Variants in STMN2 observed in about 807,000 individuals in gnomAD.
The protein encoded by STMN2 is stathmin 2, also known as stathmin-2.
A neutral mutation model predicts 24.1 loss-of-function variants in STMN2; 2 were observed. That is an observed-to-expected ratio of 0.08 (90% CI 0.03 to 0.26). STMN2 has a LOEUF of 0.26. Ranked by LOEUF, STMN2 falls within the 10% of genes least tolerant of loss-of-function variation. The pLI, the probability that STMN2 is intolerant of heterozygous loss-of-function variation, is 1.00. For synonymous variants in STMN2, 83 were observed against 77.5 expected, an observed-to-expected ratio of 1.07 and a Z score of -0.37; for missense variants, 114 against 213.6, an observed-to-expected ratio of 0.53 and a Z score of 2.91.
intron 2 of STMN2, 144 bp from the exon 3 acceptor site, chr8:79,641,234 C>A: frequency 1.3e-6 from 1 of 772,480 alleles, no homozygotes. Context: ...TTCTAAACAA[C>A]ATAGAGCAAA....
chr8:79,636,973 C>T (rs1247574966), intron 2 of STMN2, 76 bp downstream of exon 2: 4 of 1,318,366 alleles, frequency 3.0e-6, no homozygotes, highest in African/African-American at 1.5e-5. Flanking sequence ...TTTCTTACAG[C>T]TCCTGATATA....
intron 4 of STMN2, among the ~76,000 whole-genome samples, chr8:79,656,913 G>T (rs555051501): frequency 2.0e-5 from 3 of 151,448 alleles, no homozygotes; most frequent in African/African-American, 7.3e-5. Context: ...TCGCTGTGTC[G>T]CCCAGGCTGG....
intron 3 of STMN2, among the ~76,000 whole-genome samples, chr8:79,646,572 A>G (rs180821284): frequency 1.2e-4 from 19 of 152,228 alleles, no homozygotes; most frequent in Admixed American, 7.2e-4. Context: ...GCAGGTGCGG[A>G]GGCCCTGAAA....
intron 1 of STMN2, among the ~76,000 whole-genome samples, chr8:79,614,469 C>T (rs1244066973): frequency 2.0e-5 from 3 of 152,158 alleles, no homozygotes; most frequent in African/African-American, 4.8e-5. Context: ...AGTAGTTTAT[C>T]AATTAATCTC....
At chr8:79,627,851 G>A (rs1181778275) in intron 1 of STMN2, among the ~76,000 whole-genome samples, 1 of 152,146 alleles carries the variant, frequency 6.6e-6, no homozygotes, top group African/African-American at 2.4e-5. Context: ...GTGAGATCAT[G>A]CAGTATTTGT....
chr8:79,624,329 C>T (rs1585878886), intron 1 of STMN2, among the ~76,000 whole-genome samples: 2 of 151,670 alleles, frequency 1.3e-5, no homozygotes, highest in East Asian at 3.9e-4. Context: ...TGGCGGGTGC[C>T]TGTAGTCCCA....
chr8:79,628,447 G>A (rs1167177074), intron 1 of STMN2, among the ~76,000 whole-genome samples: 1 of 152,018 alleles, frequency 6.6e-6, no homozygotes, highest in Non-Finnish European at 1.5e-5. Context: ...CACCACGCCT[G>A]GCCTAGTAGT....
intron 3 of STMN2, 120 bp from the exon 4 acceptor site, chr8:79,654,751 T>A: frequency 8.9e-7 from 1 of 1,127,940 alleles, no homozygotes; most frequent in Non-Finnish European, 1.2e-6. Flanking sequence ...GACTTGACAA[T>A]AGTGCTCAAG....
chr8:79,644,265 G>A (rs113889867), intron 3 of STMN2, among the ~76,000 whole-genome samples: 10,231 of 152,234 alleles, frequency 0.067, 513 homozygotes, highest in South Asian at 0.11. Flanking sequence ...GCTGGATCCA[G>A]GGATCACAGT....
At chr8:79,659,810 A>G (rs371031312) in intron 4 of STMN2, among the ~76,000 whole-genome samples, 8 of 152,284 alleles carry the variant, frequency 5.3e-5, no homozygotes, top group African/African-American at 1.9e-4. Flanking sequence ...ATGTCACATT[A>G]GCTATGATTT....
In STMN2 at chr8:79,654,990, C is replaced by T. The variant is rs751924717; in HGVS notation, c.408C>T (p.Ile136=). The T allele has an allele frequency of 5.0e-6, 8 of 1,613,866 alleles. No homozygotes were observed. Among genetic ancestry groups the T allele is most frequent in the Non-Finnish European group, 4.2e-6 (5 of 1,179,960 alleles). ...NFSKMAEEKL[I]LKMEQIKENR... ...GCAAGATGGCGGAGGAAAAGCTGAT[C>T]CTGAAAATGGAACAAATTAAGGAAA... Residue 136 remains isoleucine, a synonymous_variant, in exon 4 of 5, where the codon ATC becomes ATT. Transcript: ENST00000220876.
At chr8:79,614,821 A>T (rs1402467306) in intron 1 of STMN2, among the ~76,000 whole-genome samples, 1 of 152,112 alleles carries the variant, frequency 6.6e-6, no homozygotes, top group Non-Finnish European at 1.5e-5. Flanking sequence ...GCAAACTTTT[A>T]TTTGTTGCAT....
At chr8:79,653,048 C>T (rs1810369500) in intron 3 of STMN2, among the ~76,000 whole-genome samples, 1 of 151,804 alleles carries the variant, frequency 6.6e-6, no homozygotes, top group East Asian at 1.9e-4. Flanking sequence ...TTCCTGAAAC[C>T]AATACAAAGT....
At chr8:79,638,632 C>T (rs1426467741) in intron 2 of STMN2, among the ~76,000 whole-genome samples, 1 of 152,112 alleles carries the variant, frequency 6.6e-6, no homozygotes, top group Non-Finnish European at 1.5e-5. Context: ...AAGTATATGG[C>T]TTGTGCTTTG....
chr8:79,648,416 C>T (rs79688926), intron 3 of STMN2, among the ~76,000 whole-genome samples: 1,632 of 147,400 alleles, frequency 0.011, 36 homozygotes, highest in African/African-American at 0.039. Flanking sequence ...AGTTTCTCAT[C>T]AACAGAGACT....
chr8:79,633,796 C>T lies in STMN2; in HGVS notation c.20-3006C>T, dbSNP rs1809872028. ...TTTTGCGGGGACACAAATATTCAGT[C>T]CATAATAGTAATGATTACTCATTAT... On this transcript the variant is annotated intron_variant, in intron 1 of 4. Transcript: ENST00000220876. Among the ~76,000 whole-genome samples, 2 of 152,172 alleles carry T rather than the reference C, an allele frequency of 1.3e-5. 1 individual carries two copies. The highest frequency in any genetic ancestry group is 4.1e-4 in the South Asian group (2 of 4,820).
intron 1 of STMN2, among the ~76,000 whole-genome samples, chr8:79,631,105 C>A (rs141119398): frequency 6.6e-6 from 1 of 152,182 alleles, no homozygotes; most frequent in South Asian, 2.1e-4. Flanking sequence ...ACAGCAGGAG[C>A]TTTAACTGGA....
At position 79,655,029 on chromosome 8, in the gene STMN2, T is replaced by C. The variant is rs1810416042; in HGVS notation, c.447T>C (p.Asn149=). 2 of 1,613,868 alleles carry C rather than the reference T, an allele frequency of 1.2e-6. No homozygotes were observed. Among genetic ancestry groups the C allele is most frequent in the South Asian group, 1.1e-5 (1 of 91,076 alleles). Residue 149 remains asparagine, a synonymous_variant, in exon 4 of 5, where the codon AAT becomes AAC. Transcript: ENST00000220876. ...AAATTAAGGAAAACCGTGAGGCTAATCTAGCTGCTATTATTGAACGTCTGC... is the reference window on the plus strand; with the variant it reads ...AAATTAAGGAAAACCGTGAGGCTAACCTAGCTGCTATTATTGAACGTCTGC... The part of the protein sequence containing the change: ...MEQIKENREA[N]LAAIIERLQE...
chr8:79,621,632 C>G lies in STMN2; in HGVS notation c.19+10418C>G, dbSNP rs1257471522. On this transcript the variant is annotated intron_variant, in intron 1 of 4. Transcript: ENST00000220876. ...CGTTTTGTTACAGTCAATCCACATC[C>G]AACTTTTCCCCAACTCAATCTGCTT... Among the ~76,000 whole-genome samples, 8 of 152,122 alleles carry G rather than the reference C, an allele frequency of 5.3e-5. No individual in the cohort carries two copies. In the East Asian group the frequency reaches 1.5e-3, roughly 29 times the overall value.
Sources: gnomAD v4.1 joint callset for allele counts (sites outside exome capture counted in the v4.1 genomes callset) on GRCh38, gnomAD v4.1.1 for gene constraint, MANE v1.5 for transcripts, NCBI Gene and HGNC (gene_info 2026-07-23, HGNC 2026-07-21) for gene names.